Variants in CELF2 observed in about 807,000 individuals in gnomAD.
CELF2 encodes the protein CUG triplet repeat RNA-binding protein 2.
Under a neutral mutation model 62.6 loss-of-function variants are expected in CELF2, and 8 were observed. The ratio of observed to expected loss-of-function variants is 0.13; its 90% CI spans 0.07 to 0.23. CELF2 has a LOEUF of 0.23. Ranked by LOEUF, CELF2 falls within the 10% of genes least tolerant of loss-of-function variation. The pLI, the probability that CELF2 is intolerant of heterozygous loss-of-function variation, is 1.00. For synonymous variants in CELF2, 258 were observed against 250.0 expected, an observed-to-expected ratio of 1.03 and a Z score of -0.30; for missense variants, 333 against 671.0, an observed-to-expected ratio of 0.50 and a Z score of 5.56.
At chr10:11,104,893 G>A (rs142792325) in intron 1 of CELF2, among the ~76,000 whole-genome samples, 1 of 152,226 alleles carries the variant, frequency 6.6e-6, no homozygotes, top group Non-Finnish European at 1.5e-5. Context: ...ATAGCATGTG[G>A]CAGGCAGAGG....
At chr10:10,729,718 G>T in the CELF2 span, among the ~76,000 whole-genome samples, 30 of 151,760 alleles carry the variant, frequency 2.0e-4, no homozygotes, top group Non-Finnish European at 1.5e-5. Context: ...GGCGGAGGGT[G>T]CAGTAAGCCG....
At chr10:10,878,001 G>T (rs12264101) in intron 1 of CELF2, among the ~76,000 whole-genome samples, 147 of 152,258 alleles carry the variant, frequency 9.7e-4, no homozygotes, top group African/African-American at 3.2e-3. Flanking sequence ...TAAACCAAGT[G>T]GGGGATGGCT....
At position 11,178,190 on chromosome 10, in the gene CELF2, G is replaced by T. The variant is rs2071936821; in HGVS notation, c.271+12508G>T. 6.6e-6 allele frequency among the ~76,000 whole-genome samples: 1 copy of T among 152,180 alleles called. No individual in the cohort carries two copies. The highest frequency in any genetic ancestry group is 2.4e-5 in the African/African-American group (1 of 41,440). On this transcript the variant is annotated intron_variant, in intron 2 of 12. Transcript: ENST00000633077. The surrounding 1 kb of genome is among the most constrained non-coding windows in gnomAD (Gnocchi z 4.3). ...AATGCGCGTTCTGTGCCCAGTCCTC[G>T]CTCCCCTTTGCCAACCGGGCTGCTG...
chr10:10,500,318 T>G, the CELF2 span, among the ~76,000 whole-genome samples: 1 of 152,232 alleles, frequency 6.6e-6, no homozygotes, highest in African/African-American at 2.4e-5. Context: ...TAGTAACATC[T>G]TTCAAAACTA....
the CELF2 span, among the ~76,000 whole-genome samples, chr10:10,783,168 C>T: frequency 2.0e-5 from 3 of 152,046 alleles, no homozygotes; most frequent in African/African-American, 7.2e-5. Context: ...TGAAATGAGT[C>T]CCCCAAGATG....
At chr10:10,889,175 A>G (rs2061966085) in intron 1 of CELF2, among the ~76,000 whole-genome samples, 1 of 152,234 alleles carries the variant, frequency 6.6e-6, no homozygotes, top group Non-Finnish European at 1.5e-5. Context: ...GGTAGATCCA[A>G]CAGAGAAGAA....
At chr10:10,929,952 C>T (rs181750048) in intron 2 of CELF2, among the ~76,000 whole-genome samples, 2 of 152,186 alleles carry the variant, frequency 1.3e-5, no homozygotes, top group Non-Finnish European at 2.9e-5. Context: ...CTATAATACA[C>T]GAAAATAACA....
chr10:10,638,424 A>T, the CELF2 span, among the ~76,000 whole-genome samples: 68,020 of 152,042 alleles, frequency 0.45, 15,709 homozygotes, highest in South Asian at 0.71. Context: ...ATGGTCACAT[A>T]GTGGGATAAT....
chr10:10,742,083 C>A, the CELF2 span, among the ~76,000 whole-genome samples: 1 of 152,264 alleles, frequency 6.6e-6, no homozygotes, highest in East Asian at 1.9e-4. Context: ...CAGCCTTCCC[C>A]TGAACAATTT....
intron 9 of CELF2, among the ~76,000 whole-genome samples, chr10:11,308,092 T>A (rs1310128446): frequency 6.6e-6 from 1 of 152,270 alleles, no homozygotes; most frequent in Non-Finnish European, 1.5e-5. Flanking sequence ...TTTGAATATG[T>A]CATCTTACTA....
intron 1 of CELF2, among the ~76,000 whole-genome samples, chr10:10,850,879 C>T (rs1292167704): frequency 6.6e-6 from 1 of 151,738 alleles, no homozygotes; most frequent in Non-Finnish European, 1.5e-5. Flanking sequence ...GACCTCAGCT[C>T]ACTGCGACCT....
chr10:10,464,625 A>C, the CELF2 span, among the ~76,000 whole-genome samples: 1 of 152,164 alleles, frequency 6.6e-6, no homozygotes, highest in Non-Finnish European at 1.5e-5. Flanking sequence ...TCAGACTCTG[A>C]GTGTTAACAA....
the CELF2 span, among the ~76,000 whole-genome samples, chr10:10,534,604 T>C: frequency 6.6e-6 from 1 of 152,224 alleles, no homozygotes; most frequent in Non-Finnish European, 1.5e-5. Context: ...ATGCTCCAAC[T>C]CAATTTCTCT....
chr10:10,654,339 A>G, the CELF2 span, among the ~76,000 whole-genome samples: 4 of 109,494 alleles, frequency 3.7e-5, 1 homozygote, highest in Non-Finnish European at 5.9e-5. Context: ...ATCAATAGAA[A>G]AAGAGGGAAT....
intron 1 of CELF2, among the ~76,000 whole-genome samples, chr10:11,031,205 A>C (rs1444376348): frequency 1.3e-5 from 2 of 152,206 alleles, no homozygotes; most frequent in East Asian, 1.9e-4. Context: ...GACCTTATGC[A>C]GTATCCTTTC....
chr10:10,696,547 T>G, the CELF2 span, among the ~76,000 whole-genome samples: 37,785 of 150,058 alleles, frequency 0.25, 5,023 homozygotes, highest in South Asian at 0.46. Context: ...CGAGCTTCCC[T>G]GCTGCTTTGT....
the CELF2 span, among the ~76,000 whole-genome samples, chr10:10,707,572 C>T: frequency 1.3e-5 from 2 of 152,004 alleles, no homozygotes; most frequent in Admixed American, 6.6e-5. Flanking sequence ...GGAAACCATC[C>T]CTCCCCATCA....
chr10:11,319,246 C>T lies in CELF2; in HGVS notation c.1097-1943C>T, dbSNP rs555403552. On this transcript the variant is annotated intron_variant, in intron 10 of 12. Coordinates refer to ENST00000633077, the MANE Select transcript of CELF2 (RefSeq NM_001326342.2). The surrounding 1 kb of genome is among the most constrained non-coding windows in gnomAD (Gnocchi z 4.4). ...TGAGACCAACAGAATTTATCAGCAGCGTCCAGCCCTTCCCGAGTTATTGTA... is the reference window on the plus strand; with the variant it reads ...TGAGACCAACAGAATTTATCAGCAGTGTCCAGCCCTTCCCGAGTTATTGTA... The T allele has an allele frequency of 1.3e-5, 5 of 382,794 alleles. No homozygotes were observed. The highest frequency in any genetic ancestry group is 4.2e-5 in the African/African-American group (2 of 47,270). The allele number at this position is 382,794 out of a possible 1,614,324, so 23.7% of individuals were successfully genotyped here.
chr10:10,583,898 G>C, the CELF2 span, among the ~76,000 whole-genome samples: 1 of 152,134 alleles, frequency 6.6e-6, no homozygotes, highest in African/African-American at 2.4e-5. Flanking sequence ...CTCCATCACT[G>C]TTCCTGTTAG....
Sources: gnomAD v4.1 joint callset for allele counts (sites outside exome capture counted in the v4.1 genomes callset) on GRCh38, gnomAD v4.1.1 for gene constraint, Gnocchi (gnomAD v3.1) non-coding constraint, MANE v1.5 for transcripts, NCBI Gene and HGNC (gene_info 2026-07-23, HGNC 2026-07-21) for gene names.